CRADD: variants seen among roughly 807,000 people sequenced by gnomAD.
CRADD encodes the protein CARD and death domain containing adaptor protein.
Under a neutral mutation model 15.5 loss-of-function variants are expected in CRADD, and 9 were observed. The ratio of observed to expected loss-of-function variants is 0.58; its 90% CI spans 0.35 to 1.01. The LOEUF is 1.01. Among genes scored for constraint, CRADD ranks in the 50% least tolerant of loss-of-function variants. CRADD has a pLI of 0.02. For synonymous variants in CRADD, 118 were observed against 107.6 expected (o/e 1.10, Z -0.60); for missense variants, 227 against 250.3 (o/e 0.91, Z 0.63).
chr12:93,889,047 G>A (rs1958557818), intron 2 of CRADD, among the ~76,000 whole-genome samples: 1 of 152,140 alleles, frequency 6.6e-6, no homozygotes, highest in Non-Finnish European at 1.5e-5. Flanking sequence ...GAGAGATCCA[G>A]ATGGGTTGTG....
chr12:93,815,323 A>G (rs1957683537), intron 2 of CRADD: 1 of 152,204 alleles, frequency 6.6e-6, no homozygotes, highest in South Asian at 2.1e-4. Context: ...AATTATAGCA[A>G]ACACTAATGA....
At chr12:93,881,444 G>T (rs61373623) in intron 2 of CRADD, among the ~76,000 whole-genome samples, 1 of 142,362 alleles carries the variant, frequency 7.0e-6, no homozygotes, top group Admixed American at 7.1e-5. Flanking sequence ...AAGTGTGGGG[G>T]GGGGGTGGGG....
At chr12:93,872,469 A>C (rs755788055) in intron 2 of CRADD, among the ~76,000 whole-genome samples, 1 of 152,110 alleles carries the variant, frequency 6.6e-6, no homozygotes, top group African/African-American at 2.4e-5. Flanking sequence ...TTGCTCAATA[A>C]ATTTTTGCCC....
intron 2 of CRADD, among the ~76,000 whole-genome samples, chr12:93,796,735 T>C (rs1213012486): frequency 1.3e-5 from 2 of 152,204 alleles, no homozygotes; most frequent in African/African-American, 4.8e-5. Context: ...TATGAGTTTT[T>C]ACCTGAAACC....
chr12:93,796,120 T>C (rs903638776), intron 2 of CRADD, among the ~76,000 whole-genome samples: 5 of 152,086 alleles, frequency 3.3e-5, no homozygotes, highest in Admixed American at 2.6e-4. Context: ...GGAGGATAAG[T>C]TTGGTTTTTT....
chr12:93,732,932 T>G (rs542105807), intron 2 of CRADD, among the ~76,000 whole-genome samples: 10 of 152,232 alleles, frequency 6.6e-5, no homozygotes, highest in Non-Finnish European at 1.5e-4. Flanking sequence ...CACACTGTCT[T>G]GTCTAATAGA....
intron 2 of CRADD, among the ~76,000 whole-genome samples, chr12:93,887,270 A>G (rs1021509941): frequency 6.6e-6 from 1 of 152,246 alleles, no homozygotes; most frequent in African/African-American, 2.4e-5. Context: ...ATGAAAAATC[A>G]AAGTCTCAGC....
At chr12:93,753,904 C>T (rs1162697632) in intron 2 of CRADD, among the ~76,000 whole-genome samples, 1 of 152,238 alleles carries the variant, frequency 6.6e-6, no homozygotes, top group Non-Finnish European at 1.5e-5. Flanking sequence ...TGGCCCTCTT[C>T]TCACAGCTCT....
intron 2 of CRADD, among the ~76,000 whole-genome samples, chr12:93,709,704 A>G (rs566981503): frequency 6.6e-6 from 1 of 152,300 alleles, no homozygotes; most frequent in East Asian, 1.9e-4. Flanking sequence ...TGCTGTTGTG[A>G]ATAGTGCTTC....
chr12:93,744,219 AG>A (rs1330008470), intron 2 of CRADD, among the ~76,000 whole-genome samples: 3 of 152,162 alleles, frequency 2.0e-5, no homozygotes, highest in Non-Finnish European at 4.4e-5. Flanking sequence ...TTGTACCTGT[AG>A]GCCTTCCAGG....
intron 2 of CRADD, among the ~76,000 whole-genome samples, chr12:93,685,952 C>T (rs1214478028): frequency 5.3e-5 from 8 of 151,902 alleles, no homozygotes; most frequent in Non-Finnish European, 1.2e-4. Flanking sequence ...GAGATCGCGC[C>T]ATTGCACTCC....
At chr12:93,698,927 TCAGG>T (rs1955775899) in intron 2 of CRADD, among the ~76,000 whole-genome samples, 1 of 152,090 alleles carries the variant, frequency 6.6e-6, no homozygotes, top group Admixed American at 6.5e-5. Context: ...CAGGGCAGAG[TCAGG>T]TAGCTGCAAC....
intron 2 of CRADD, chr12:93,831,488 T>C (rs758842961): frequency 6.6e-6 from 1 of 152,280 alleles, no homozygotes; most frequent in Non-Finnish European, 1.5e-5. Flanking sequence ...CATCTGTGAA[T>C]CTGCATGGCA....
chr12:93,682,227 A>C (rs560560117), intron 2 of CRADD, among the ~76,000 whole-genome samples: 100 of 152,276 alleles, frequency 6.6e-4, no homozygotes, highest in African/African-American at 2.2e-3. Flanking sequence ...TAATTGAGTA[A>C]TTTTAGTAAG....
chr12:93,889,671 G>A (rs1958563119), intron 2 of CRADD, among the ~76,000 whole-genome samples: 1 of 152,132 alleles, frequency 6.6e-6, no homozygotes, highest in African/African-American at 2.4e-5. Context: ...GCCCAATCAG[G>A]CCCCAGCTGC....
intron 2 of CRADD, among the ~76,000 whole-genome samples, chr12:93,703,365 T>C (rs954201657): frequency 1.3e-5 from 2 of 151,110 alleles, no homozygotes; most frequent in African/African-American, 2.4e-5. Flanking sequence ...TTTTCTTTTT[T>C]TTTTTTTTTT....
At chr12:93,777,881 A>T (rs1448423087) in intron 2 of CRADD, among the ~76,000 whole-genome samples, 1 of 152,156 alleles carries the variant, frequency 6.6e-6, no homozygotes, top group African/African-American at 2.4e-5. Flanking sequence ...ACATTAAATC[A>T]AACCATGACC....
intron 2 of CRADD, among the ~76,000 whole-genome samples, chr12:93,744,225 T>C (rs1956721582): frequency 6.6e-6 from 1 of 152,176 alleles, no homozygotes; most frequent in Admixed American, 6.5e-5. Flanking sequence ...CTGTAGGCCT[T>C]CCAGGGGAGA....
At chr12:93,749,460 A>G (rs1471493460) in intron 2 of CRADD, among the ~76,000 whole-genome samples, 2 of 152,216 alleles carry the variant, frequency 1.3e-5, no homozygotes, top group Admixed American at 6.5e-5. Context: ...TTTGCACAGA[A>G]GAGTCCACTT....
Sources: gnomAD v4.1 joint callset for allele counts (sites outside exome capture counted in the v4.1 genomes callset) on GRCh38, gnomAD v4.1.1 for gene constraint, MANE v1.5 for transcripts, NCBI Gene and HGNC (gene_info 2026-07-23, HGNC 2026-07-21) for gene names.